Variants in DUSP16 observed in about 807,000 individuals in gnomAD.
The protein encoded by DUSP16 is dual specificity protein phosphatase 16.
In DUSP16, 21 loss-of-function variants were observed where a neutral mutation model predicts 58.3. That is an observed-to-expected ratio of 0.36 (90% CI 0.26 to 0.52). DUSP16 has a LOEUF of 0.52. DUSP16 is among the 20% of genes least tolerant of loss of function. The pLI is 0.94. For missense variants in DUSP16, 726 were observed against 819.0 expected, an observed-to-expected ratio of 0.89 and a Z score of 1.39; for synonymous variants, 320 against 323.8, an observed-to-expected ratio of 0.99 and a Z score of 0.12.
At chr12:12,520,835 C>T (rs1335676414) in intron 2 of DUSP16, 36 bp downstream of exon 2, 13 of 1,607,562 alleles carry the variant, frequency 8.1e-6, no homozygotes, top group Non-Finnish European at 1.0e-5. Flanking sequence ...TCAGTGTGTC[C>T]ATTTATTTTG....
At chr12:12,537,882 A>T (rs979693006) in intron 1 of DUSP16, among the ~76,000 whole-genome samples, 1 of 152,096 alleles carries the variant, frequency 6.6e-6, no homozygotes, top group Non-Finnish European at 1.5e-5. Context: ...CTAATCTATA[A>T]AACTCCAGGA....
chr12:12,490,448 GCTA>G (rs1943747095), intron 4 of DUSP16, among the ~76,000 whole-genome samples: 1 of 151,964 alleles, frequency 6.6e-6, no homozygotes, highest in East Asian at 1.9e-4. Context: ...ATATAATTTG[GCTA>G]CTAAATTAAA....
intron 3 of DUSP16, among the ~76,000 whole-genome samples, chr12:12,515,837 G>A (rs905641315): frequency 1.3e-5 from 2 of 151,800 alleles, no homozygotes; most frequent in African/African-American, 4.8e-5. Flanking sequence ...GTGCAGTGAT[G>A]CGATCTTGGC....
At chr12:12,497,512 A>G (rs1245544239) in intron 4 of DUSP16, among the ~76,000 whole-genome samples, 1 of 152,164 alleles carries the variant, frequency 6.6e-6, no homozygotes, top group Non-Finnish European at 1.5e-5. Flanking sequence ...AATCTCGGGT[A>G]AGTGACTTAG....
chr12:12,486,210 C>T (rs918650548), intron 5 of DUSP16, among the ~76,000 whole-genome samples: 1 of 152,010 alleles, frequency 6.6e-6, no homozygotes, highest in Non-Finnish European at 1.5e-5. Flanking sequence ...AAAAAAATTC[C>T]TTACATGGAA....
chr12:12,548,313 T>TCA (rs1944676680), intron 1 of DUSP16, among the ~76,000 whole-genome samples: 1 of 152,144 alleles, frequency 6.6e-6, no homozygotes, highest in Non-Finnish European at 1.5e-5. Flanking sequence ...CAATGAGGTA[T>TCA]CACGTCACAC....
In DUSP16 at chr12:12,521,281, C is replaced by G; in HGVS notation, c.-183G>C. On this transcript the variant is annotated 5_prime_UTR_variant, in exon 2 of 7. Coordinates refer to ENST00000298573, the MANE Select transcript of DUSP16 (RefSeq NM_030640.3). ...GAGCCCTCCAAGTGAATGTCTCTTT[C>G]TCTTTCCCGTTGATGTGCTCTTGCA... 7.0e-7 allele frequency: 1 copy of G among 1,437,430 alleles called. No individual in the cohort carries two copies. The allele number at this position is 1,437,430 out of a possible 1,614,324, so 89.0% of individuals were successfully genotyped here. A position where few individuals can be genotyped will look rare whatever the true frequency, so the allele number is the denominator to read the frequency against.
At chr12:12,532,384 G>A (rs1025017636) in intron 1 of DUSP16, among the ~76,000 whole-genome samples, 3 of 152,248 alleles carry the variant, frequency 2.0e-5, no homozygotes, top group East Asian at 1.9e-4. Context: ...ATGATATATT[G>A]AGAATAAAGT....
chr12:12,500,726 CAAAAT>C, intron 3 of DUSP16, 44 bp from the exon 4 acceptor site: 3 of 1,466,206 alleles, frequency 2.0e-6, no homozygotes, highest in Non-Finnish European at 2.7e-6. Context: ...ATGCCACGCA[CAAAAT>C]AAAAACCAGC....
Position 12,521,197 on chromosome 12 carries a change from G to T in DUSP16, c.-99C>A. On this transcript the variant is annotated 5_prime_UTR_variant, in exon 2 of 7. Coordinates refer to ENST00000298573, the MANE Select transcript of DUSP16 (RefSeq NM_030640.3). ...GCTCAGCCACTCCATTGTACTAAAAGTGTATGAGGTCAGGCTGGTGGTGAC... is the reference window on the plus strand; with the variant it reads ...GCTCAGCCACTCCATTGTACTAAAATTGTATGAGGTCAGGCTGGTGGTGAC... 1 of 1,523,036 alleles carries T rather than the reference G, an allele frequency of 6.6e-7. No homozygotes were observed. The allele number at this position is 1,523,036 out of a possible 1,614,324, so 94.3% of individuals were successfully genotyped here. A position where few individuals can be genotyped will look rare whatever the true frequency, so the allele number is the denominator to read the frequency against.
chr12:12,481,291 G>C (rs980770390), intron 5 of DUSP16, among the ~76,000 whole-genome samples: 2 of 152,120 alleles, frequency 1.3e-5, no homozygotes, highest in Non-Finnish European at 2.9e-5. Flanking sequence ...CACTGCTGAG[G>C]GGCTTAACAA....
chr12:12,554,629 A>T (rs1944782073), intron 1 of DUSP16: 1 of 152,212 alleles, frequency 6.6e-6, no homozygotes, highest in Non-Finnish European at 1.5e-5. Context: ...GAAGTTTTTT[A>T]AAATGAACAT....
intron 3 of DUSP16, among the ~76,000 whole-genome samples, chr12:12,508,332 G>GA (rs559229109): frequency 2.2e-4 from 31 of 142,918 alleles, no homozygotes; most frequent in South Asian, 4.4e-4. Context: ...GAAAAGAAAA[G>GA]AAAAAAAAAA....
chr12:12,492,999 A>G (rs962071348), intron 4 of DUSP16, among the ~76,000 whole-genome samples: 1 of 151,946 alleles, frequency 6.6e-6, no homozygotes, highest in Non-Finnish European at 1.5e-5. Flanking sequence ...TCACGGCTCA[A>G]TCCTTTTCTC....
At chr12:12,538,486 A>G (rs1389900928) in intron 1 of DUSP16, among the ~76,000 whole-genome samples, 1 of 152,252 alleles carries the variant, frequency 6.6e-6, no homozygotes, top group Non-Finnish European at 1.5e-5. Context: ...CATCAGTGGT[A>G]AAAGACAGAA....
At chr12:12,548,931 C>G (rs761239884) in intron 1 of DUSP16, among the ~76,000 whole-genome samples, 27 of 152,114 alleles carry the variant, frequency 1.8e-4, no homozygotes, top group Admixed American at 7.2e-4. Context: ...TATCCCTCAG[C>G]CTATGAAAAG....
Position 12,476,760 on chromosome 12 carries a change from T to G in DUSP16, c.*73A>C. ...TATATATGTATGTACATATATATATTTCAGATTTACAGGGAATTTTTTTGT... is the reference window on the plus strand; with the variant it reads ...TATATATGTATGTACATATATATATGTCAGATTTACAGGGAATTTTTTTGT... On this transcript the variant is annotated 3_prime_UTR_variant, in exon 7 of 7. Transcript: ENST00000298573. 1 of 1,397,686 alleles carries G rather than the reference T, an allele frequency of 7.2e-7. No individual in the cohort carries two copies. The highest frequency in any genetic ancestry group is 9.6e-7 in the Non-Finnish European group (1 of 1,037,288). 86.6% of individuals were successfully genotyped at this position (1,397,686 alleles called of 1,614,324 possible).
intron 4 of DUSP16, 85 bp from the exon 5 acceptor site, chr12:12,487,272 T>TA (rs1376346363): frequency 7.0e-7 from 1 of 1,418,992 alleles, no homozygotes; most frequent in Non-Finnish European, 9.7e-7. Flanking sequence ...AATGTGATGA[T>TA]AAAAATGCCC....
chr12:12,482,993 A>G lies in DUSP16; in HGVS notation c.692-2647T>C, dbSNP rs1943602906. ...TTCCCAAAGTGCTGTGATTGATTAC[A>G]CACGCTGCACCTGGCCAAGGCTACC... is the stretch of plus-strand genomic sequence containing the variant. On this transcript the variant is annotated intron_variant, in intron 5 of 6. Transcript: ENST00000298573. Among the ~76,000 whole-genome samples the G allele has an allele frequency of 2.6e-5, 4 of 152,310 alleles. No homozygotes were observed. The South Asian group carries it at 8.3e-4, about 32-fold the overall frequency.
Sources: allele counts gnomAD v4.1 joint callset (sites outside exome capture counted in the v4.1 genomes callset), GRCh38; gene constraint gnomAD v4.1.1; transcripts MANE v1.5; gene names NCBI Gene and HGNC (gene_info 2026-07-23, HGNC 2026-07-21).